The following FHL1 variants were observed in gnomAD, a reference collection of about 807,000 sequenced individuals.
FHL1 encodes four and a half LIM domains protein 1.
Under a neutral mutation model 20.3 loss-of-function variants are expected in FHL1, and 1 was observed. The ratio of observed to expected loss-of-function variants is 0.05; its 90% confidence interval spans 0.02 to 0.23. The LOEUF (loss-of-function observed/expected upper bound fraction) is 0.23. Ranked by LOEUF, FHL1 falls within the 10% of genes least tolerant of loss-of-function variation. The pLI is 1.00. For synonymous variants in FHL1, 82 were observed against 88.9 expected (o/e 0.92, Z 0.44); for missense variants, 177 against 234.0 (o/e 0.76, Z 1.59).
chrX:136,154,568 T>C (rs754052152), intron 1 of FHL1, among the ~76,000 whole-genome samples: 2 of 112,537 alleles, frequency 1.8e-5, no homozygotes, highest in South Asian at 7.3e-4. Context: ...AAGGGAGATA[T>C]CTGTTGAAAT....
chrX:136,204,571 C>T (rs1183265361), intron 1 of FHL1: 1 of 112,440 alleles, frequency 8.9e-6, no homozygotes, highest in Non-Finnish European at 1.9e-5. Context: ...TCTGGTCTTG[C>T]TAAGTCTCTT....
At chrX:136,154,157 A>G (rs1237964822) in intron 1 of FHL1, among the ~76,000 whole-genome samples, 1 of 112,501 alleles carries the variant, frequency 8.9e-6, no homozygotes, top group Non-Finnish European at 1.9e-5. Context: ...ATAGGTAGGT[A>G]AATTTTTTAT....
intron 1 of FHL1, among the ~76,000 whole-genome samples, chrX:136,199,069 A>G (rs567520542): frequency 8.9e-6 from 1 of 111,938 alleles, no homozygotes; most frequent in Non-Finnish European, 1.9e-5. Context: ...ACTTCACCAC[A>G]GCTGGAGAAA....
At chrX:136,180,823 C>CA (rs2073136532) in intron 2 of FHL1, among the ~76,000 whole-genome samples, 1 of 111,004 alleles carries the variant, frequency 9.0e-6, no homozygotes, top group Non-Finnish European at 1.9e-5. Context: ...CTCACTGCAA[C>CA]CTCTGTCTCC....
At chrX:136,170,855 C>T (rs1037993125) in intron 2 of FHL1, among the ~76,000 whole-genome samples, 2 of 111,220 alleles carry the variant, frequency 1.8e-5, no homozygotes, top group African/African-American at 6.5e-5. Flanking sequence ...TTCACCCTGC[C>T]CACCCCTGCA....
At chrX:136,146,977 G>GC, upstream of FHL1, 1 of 323,118 alleles carries the variant, frequency 3.1e-6, no homozygotes, top group South Asian at 2.7e-5. Flanking sequence ...AACGGCGTGG[G>GC]CCCCGAAGCG....
At chrX:136,193,407 G>C (rs1393374290), upstream of FHL1, among the ~76,000 whole-genome samples, 1 of 111,904 alleles carries the variant, frequency 8.9e-6, no homozygotes, top group Non-Finnish European at 1.9e-5. Flanking sequence ...GAGAGGCTAG[G>C]ATTAGATTGC....
At chrX:136,184,674 T>C (rs1318936510) in intron 2 of FHL1, among the ~76,000 whole-genome samples, 1 of 111,687 alleles carries the variant, frequency 9.0e-6, no homozygotes, top group African/African-American at 3.2e-5. Context: ...GATTTTGTAG[T>C]ATATGATAAA....
chrX:136,178,056 A>G (rs1291461513), intron 2 of FHL1, among the ~76,000 whole-genome samples: 6 of 112,066 alleles, frequency 5.4e-5, no homozygotes, highest in Non-Finnish European at 9.4e-5. Context: ...TACAGTAAGC[A>G]TAGCTGGGGT....
chrX:136,175,107 C>T (rs752447398), intron 2 of FHL1, among the ~76,000 whole-genome samples: 3 of 111,916 alleles, frequency 2.7e-5, no homozygotes, highest in Admixed American at 9.5e-5. Context: ...AAGAAAGGTG[C>T]GCACAGGCCT....
At position 136,205,285 on chromosome X, in the gene FHL1, C is replaced by T. The variant is rs747078412; in HGVS notation, c.23-1122C>T. 1.4e-3 allele frequency among the ~76,000 whole-genome samples: 153 copies of T among 111,193 alleles called. 1 individual carries two copies. Among genetic ancestry groups the T allele is most frequent in the African/African-American group, 4.8e-3 (147 of 30,597 alleles). Reference sequence around the variant, plus strand: ...CAGGCGTGTTGTCTAGGGCCACAGCCGGGGAGGGGACCAGGGAGGGAAGAG... The same window carrying T: ...CAGGCGTGTTGTCTAGGGCCACAGCTGGGGAGGGGACCAGGGAGGGAAGAG... On this transcript the variant is annotated intron_variant, in intron 1 of 5. Transcript: ENST00000370683.
chrX:136,206,599 T>A lies in FHL1; in HGVS notation c.204+11T>A. ...GGTGCGGACTCCAAGGTAACGGGCA[T>A]CCCCATGTGCCAATGGGAAGGGCTG... On this transcript the variant is annotated intron_variant, in intron 2 of 5. Transcript: ENST00000370683. 1 of 1,212,077 alleles carries A rather than the reference T, an allele frequency of 8.3e-7. No individual in the cohort carries two copies. Among genetic ancestry groups the A allele is most frequent in the Non-Finnish European group, 1.1e-6 (1 of 895,393 alleles).
intron 2 of FHL1, among the ~76,000 whole-genome samples, chrX:136,175,293 G>A (rs1011385568): frequency 5.3e-5 from 6 of 112,641 alleles, no homozygotes; most frequent in African/African-American, 1.6e-4. Context: ...TACTAAGTTA[G>A]CAGAATTACA....
chrX:136,206,393 G>A lies in FHL1; in HGVS notation c.23-14G>A. ...TTTCCTGTGGTCATTTGTCCTGTCT[G>A]CTTGCCCCCGCAGGTCCCTCCAGCT... On this transcript the variant is annotated splice_polypyrimidine_tract_variant and intron_variant, in intron 1 of 5. Transcript: ENST00000370683. 8.3e-7 allele frequency: 1 copy of A among 1,211,570 alleles called. No individual in the cohort carries two copies. The highest frequency in any genetic ancestry group is 1.1e-6 in the Non-Finnish European group (1 of 895,440).
intron 1 of FHL1, 26 bp downstream of exon 1, chrX:136,197,160 T>C (rs2073578214): frequency 1.7e-6 from 2 of 1,190,214 alleles, no homozygotes; most frequent in Non-Finnish European, 1.1e-6. Context: ...CTTTATCTTA[T>C]ATTGAGCACA....
chrX:136,198,115 C>T (rs888395451), intron 1 of FHL1, among the ~76,000 whole-genome samples: 2 of 106,908 alleles, frequency 1.9e-5, no homozygotes, highest in African/African-American at 6.8e-5. Context: ...TATGTAATGT[C>T]TTCCCTGTTC....
upstream of FHL1, among the ~76,000 whole-genome samples, chrX:136,166,379 C>CT (rs1274299378): frequency 3.6e-5 from 4 of 111,960 alleles, no homozygotes; most frequent in Non-Finnish European, 7.5e-5. Flanking sequence ...TTGGGCCTTT[C>CT]TTTCTTCTGC....
intron 1 of FHL1, among the ~76,000 whole-genome samples, chrX:136,155,047 T>C (rs771953984): frequency 8.9e-6 from 1 of 112,461 alleles, no homozygotes; most frequent in East Asian, 2.8e-4. Context: ...TTTAGCTTTC[T>C]TCCCCCTCTT....
chrX:136,165,306 G>A (rs1031071292), upstream of FHL1, among the ~76,000 whole-genome samples: 1 of 112,067 alleles, frequency 8.9e-6, no homozygotes. Flanking sequence ...TGCCGAATGA[G>A]AGCCAGTTTA....
Sources: allele counts gnomAD v4.1 joint callset (sites outside exome capture counted in the v4.1 genomes callset), GRCh38; gene constraint gnomAD v4.1.1; transcripts MANE v1.5; gene names NCBI Gene and HGNC (gene_info 2026-07-23, HGNC 2026-07-21).